The following DEFB112 variants were observed in gnomAD, a reference collection of about 807,000 sequenced individuals.
DEFB112 encodes beta-defensin 112.
Under a neutral mutation model 1.1 loss-of-function variants are expected in DEFB112, and 2 were observed. The observed-to-expected ratio is 1.85, with a 90% confidence interval of 0.76 to 5.83. The LOEUF is 5.83. Ranked by LOEUF, DEFB112 falls within the 30% of genes most tolerant of loss-of-function variation. The probability of loss-of-function intolerance (pLI) is 0.05; values close to 1 mark genes in which losing one functional copy is unlikely to be tolerated. For missense variants in DEFB112, 120 were observed against 94.4 expected (o/e 1.27, Z -1.12); for synonymous variants, 40 against 31.2 (o/e 1.28, Z -0.93).
chr6:50,044,909 C>T (rs1353163969), intron 1 of DEFB112, among the ~76,000 whole-genome samples: 1 of 151,798 alleles, frequency 6.6e-6, no homozygotes, highest in Non-Finnish European at 1.5e-5. Flanking sequence ...AAATAAAATA[C>T]ATATATATCA....
chr6:50,045,171 T>C (rs192777539), intron 1 of DEFB112, among the ~76,000 whole-genome samples: 1 of 152,190 alleles, frequency 6.6e-6, no homozygotes, highest in African/African-American at 2.4e-5. Context: ...TACCCTGAGA[T>C]ATGAAAGGTA....
At chr6:50,048,886 G>T (rs1774883050) in intron 1 of DEFB112, among the ~76,000 whole-genome samples, 1 of 151,926 alleles carries the variant, frequency 6.6e-6, no homozygotes, top group Non-Finnish European at 1.5e-5. Context: ...GCTATTGTTA[G>T]GAAAAATAAA....
chr6:50,047,610 G>A lies in DEFB112; in HGVS notation c.58+2202C>T, dbSNP rs1774855562. On this transcript the variant is annotated intron_variant, in intron 1 of 1. Transcript: ENST00000651554. ...AATTAGTGATTCTGTAAAGGAAGGA[G>A]CATTGAAAAGTCCCATTCCAACATC... Among the ~76,000 whole-genome samples the A allele has an allele frequency of 2.0e-5, 3 of 152,114 alleles. No individual in the cohort carries two copies. In the South Asian group the frequency reaches 6.2e-4, roughly 31 times the overall value.
At chr6:50,048,821 A>T (rs1354399329) in intron 1 of DEFB112, among the ~76,000 whole-genome samples, 1 of 152,190 alleles carries the variant, frequency 6.6e-6, no homozygotes, top group Non-Finnish European at 1.5e-5. Flanking sequence ...ACATATGTTT[A>T]AAAATCCAGT....
chr6:50,048,680 A>C, intron 1 of DEFB112: 1 of 1,513,434 alleles, frequency 6.6e-7, no homozygotes, highest in Non-Finnish European at 9.1e-7. Context: ...TTAAGAGCTC[A>C]CTGTAAAGTG....
intron 1 of DEFB112, among the ~76,000 whole-genome samples, chr6:50,048,922 A>G (rs1268896694): frequency 6.6e-6 from 1 of 152,144 alleles, no homozygotes; most frequent in Non-Finnish European, 1.5e-5. Context: ...GGCTGAACAA[A>G]TGCTAGCTAT....
intron 1 of DEFB112, among the ~76,000 whole-genome samples, chr6:50,044,105 T>C (rs1774795601): frequency 6.6e-6 from 1 of 152,114 alleles, no homozygotes; most frequent in Admixed American, 6.6e-5. Flanking sequence ...AACCATTGGA[T>C]ATGAGTGGGA....
chr6:50,048,501 A>C, intron 1 of DEFB112: 1 of 1,539,126 alleles, frequency 6.5e-7, no homozygotes, highest in Non-Finnish European at 9.0e-7. Flanking sequence ...TATTGATTAA[A>C]ATGTGCAAGA....
intron 1 of DEFB112, among the ~76,000 whole-genome samples, chr6:50,045,365 C>T (rs1774814478): frequency 6.6e-6 from 1 of 152,034 alleles, no homozygotes; most frequent in Admixed American, 6.6e-5. Context: ...GCTTCACACC[C>T]TCATGCCACA....
At chr6:50,045,307 A>G (rs1774813308) in intron 1 of DEFB112, among the ~76,000 whole-genome samples, 1 of 152,036 alleles carries the variant, frequency 6.6e-6, no homozygotes. Flanking sequence ...TGTAAATGAA[A>G]TAGCCATGAG....
chr6:50,046,406 A>G (rs1450271398), intron 1 of DEFB112, among the ~76,000 whole-genome samples: 3 of 152,258 alleles, frequency 2.0e-5, no homozygotes, highest in Middle Eastern at 3.4e-3. Context: ...TTATATGATC[A>G]TATAGGTTAT....
chr6:50,047,504 G>A (rs1295770489), intron 1 of DEFB112, among the ~76,000 whole-genome samples: 2 of 152,046 alleles, frequency 1.3e-5, no homozygotes, highest in Non-Finnish European at 2.9e-5. Context: ...TCTTATTTCT[G>A]TAATCTACCC....
chr6:50,042,516 T>C lies in DEFB112; in HGVS notation c.*1059A>G, dbSNP rs1470867015. Among the ~76,000 whole-genome samples, 1 of 152,078 alleles carries C rather than the reference T, an allele frequency of 6.6e-6. No individual in the cohort carries two copies. The highest frequency in any genetic ancestry group is 1.9e-4 in the East Asian group (1 of 5,192). On this transcript the variant is annotated 3_prime_UTR_variant, in exon 2 of 2. Coordinates refer to ENST00000651554, the MANE Select transcript of DEFB112 (RefSeq NM_001369057.2). ...CTTCATGTGGCCTTAGTCCACAGGT[T>C]GTAAGTCACATAATAACCAAGGCTG...
chr6:50,045,977 A>T (rs116373480), intron 1 of DEFB112, among the ~76,000 whole-genome samples: 2,818 of 152,228 alleles, frequency 0.019, 38 homozygotes, highest in Non-Finnish European at 0.028. Flanking sequence ...ATTCTGTTTT[A>T]TGCTTTTAGT....
chr6:50,043,757 A>T lies in DEFB112; in HGVS notation c.103T>A (p.Cys35Ser). ...HHITFSRWKS[C>S]TAIGGRCKNQ... ...TTACATCGACCTCCAATCGCTGTAC[A>T]TGACTTCCACCTACTAAAGGTGATA... The change falls in exon 2 of 2, where the codon TGT (cysteine) becomes AGT (serine). Residue 35 changes from cysteine to serine, a missense_variant. Coordinates refer to ENST00000651554, the MANE Select transcript of DEFB112 (RefSeq NM_001369057.2). The T allele has an allele frequency of 6.2e-7, 1 of 1,613,522 alleles. No individual in the cohort carries two copies. The highest frequency in any genetic ancestry group is 8.5e-7 in the Non-Finnish European group (1 of 1,179,536).
At chr6:50,047,239 G>T (rs967220904) in intron 1 of DEFB112, among the ~76,000 whole-genome samples, 1 of 152,188 alleles carries the variant, frequency 6.6e-6, no homozygotes, top group Non-Finnish European at 1.5e-5. Context: ...GTCAGATCCG[G>T]CCTGGTGCCA....
rs77356705 is a variant in DEFB112, at chr6:50,044,285, C to A, written c.59-484G>T. ...ATCTCATCTCCTCTTGGATTTGCACCCTAGAGCCAAGCACAAGAGAAGTTT... is the reference window on the plus strand; with the variant it reads ...ATCTCATCTCCTCTTGGATTTGCACACTAGAGCCAAGCACAAGAGAAGTTT... On this transcript the variant is annotated intron_variant, in intron 1 of 1. Coordinates refer to ENST00000651554, the MANE Select transcript of DEFB112 (RefSeq NM_001369057.2). Among the ~76,000 whole-genome samples, 1,379 of 151,856 alleles carry A rather than the reference C, an allele frequency of 9.1e-3. 33 individuals are homozygous for A. The highest frequency in any genetic ancestry group is 0.031 in the African/African-American group (1,298 of 41,426).
intron 1 of DEFB112, among the ~76,000 whole-genome samples, chr6:50,044,655 G>T (rs1018153135): frequency 6.6e-6 from 1 of 151,956 alleles, no homozygotes; most frequent in Non-Finnish European, 1.5e-5. Flanking sequence ...TATCACTGGA[G>T]AGCCAGGTTT....
At chr6:50,048,426 T>C (rs576562909) in intron 1 of DEFB112, 16 of 865,638 alleles carry the variant, frequency 1.8e-5, no homozygotes, top group Non-Finnish European at 2.8e-5. Flanking sequence ...GACAAGAACA[T>C]ATAAGTAAAC....
Sources: gnomAD v4.1 joint callset for allele counts (sites outside exome capture counted in the v4.1 genomes callset) on GRCh38, gnomAD v4.1.1 for gene constraint, MANE v1.5 for transcripts, NCBI Gene and HGNC (gene_info 2026-07-23, HGNC 2026-07-21) for gene names.